Variants in GRM7 observed in about 807,000 individuals in gnomAD.
GRM7 encodes metabotropic glutamate receptor 7.
In GRM7, 35 loss-of-function variants were observed where a neutral mutation model predicts 84.5. That is an observed-to-expected ratio of 0.41 (90% CI 0.32 to 0.55). The LOEUF (loss-of-function observed/expected upper bound fraction) is 0.55, where lower values mean the gene tolerates loss of function less well. Among genes scored for constraint, GRM7 ranks in the 20% least tolerant of loss-of-function variants. The pLI, the probability that GRM7 is intolerant of heterozygous loss-of-function variation, is 0.19. For synonymous variants in GRM7, 487 were observed against 455.1 expected (o/e 1.07, Z -0.89); for missense variants, 1,003 against 1,194.6 (o/e 0.84, Z 2.36).
intron 1 of GRM7, among the ~76,000 whole-genome samples, chr3:7,089,218 A>G (rs941474380): frequency 6.6e-6 from 1 of 152,214 alleles, no homozygotes; most frequent in African/African-American, 2.4e-5. Context: ...CATAAAATCT[A>G]TAGAAGAGAA....
intron 9 of GRM7, among the ~76,000 whole-genome samples, chr3:7,712,647 GTTTGTTTGT>G (rs1701623329): frequency 1.3e-5 from 1 of 74,224 alleles, no homozygotes; most frequent in South Asian, 6.1e-4. Context: ...TCTTTTTTTT[GTTTGTTTGT>G]TTTGTTTTGT....
At chr3:6,902,849 C>G (rs1161985267) in intron 1 of GRM7, among the ~76,000 whole-genome samples, 1 of 78,906 alleles carries the variant, frequency 1.3e-5, no homozygotes, top group East Asian at 3.0e-4. Context: ...AAACAGACTC[C>G]TACACACACA....
rs1385502381 is a variant in GRM7, at chr3:6,861,314, GA to G, written c.-73del. 4 of 1,332,848 alleles carry G rather than the reference GA, an allele frequency of 3.0e-6. No homozygotes were observed. Among genetic ancestry groups the G allele is most frequent in the Non-Finnish European group, 3.9e-6 (4 of 1,024,856 alleles). 82.6% of individuals were successfully genotyped at this position (1,332,848 alleles called of 1,614,324 possible). Reference sequence around the variant, plus strand: ...GGGCTTTCCCGGAGGAGCTCGCCCTGAAGGGCCCGGACCTCGGCGAGCCCAC... The same window carrying G: ...GGGCTTTCCCGGAGGAGCTCGCCCTGAGGGCCCGGACCTCGGCGAGCCCAC... On this transcript the variant is annotated 5_prime_UTR_variant, in exon 1 of 10. Transcript: ENST00000357716. This position sits in a 1 kb window ranked among gnomAD's most constrained non-coding sequence, Gnocchi z 6.4.
At chr3:7,405,148 G>A (rs1695620588) in intron 4 of GRM7, among the ~76,000 whole-genome samples, 1 of 152,006 alleles carries the variant, frequency 6.6e-6, no homozygotes. Context: ...TAATTTAAAT[G>A]TTTCTATCTG....
intron 7 of GRM7, among the ~76,000 whole-genome samples, chr3:7,482,518 A>G (rs1699170261): frequency 6.6e-6 from 1 of 152,202 alleles, no homozygotes; most frequent in Non-Finnish European, 1.5e-5. Flanking sequence ...AAGGGAGACA[A>G]TGCCAGGAGG....
intron 1 of GRM7, among the ~76,000 whole-genome samples, chr3:6,895,370 A>G (rs1371888230): frequency 6.6e-6 from 1 of 152,174 alleles, no homozygotes; most frequent in Non-Finnish European, 1.5e-5. Flanking sequence ...CAGGGAACAA[A>G]CAATACGTTT....
chr3:7,415,695 T>A (rs1329662996), intron 5 of GRM7, among the ~76,000 whole-genome samples: 1 of 152,090 alleles, frequency 6.6e-6, no homozygotes, highest in African/African-American at 2.4e-5. Flanking sequence ...AGAAGAAAAA[T>A]CACACATTCA....
chr3:6,898,447 G>T (rs1179049734), intron 1 of GRM7, among the ~76,000 whole-genome samples: 1 of 149,862 alleles, frequency 6.7e-6, no homozygotes, highest in Non-Finnish European at 1.5e-5. Flanking sequence ...GGTAGAAACA[G>T]TGAATGTTCT....
chr3:7,136,477 G>T (rs891328793), intron 1 of GRM7, among the ~76,000 whole-genome samples: 1 of 151,834 alleles, frequency 6.6e-6, no homozygotes, highest in African/African-American at 2.4e-5. Context: ...TGACTTCCTT[G>T]GTCTCTTTAC....
chr3:7,182,355 T>A (rs1178680959), intron 2 of GRM7, among the ~76,000 whole-genome samples: 1 of 152,212 alleles, frequency 6.6e-6, no homozygotes, highest in Non-Finnish European at 1.5e-5. Context: ...CTATTTTGAA[T>A]AGTTTGCAAA....
intron 1 of GRM7, among the ~76,000 whole-genome samples, chr3:7,134,358 A>G (rs1481052935): frequency 6.6e-6 from 1 of 152,100 alleles, no homozygotes; most frequent in Non-Finnish European, 1.5e-5. Context: ...CCTGAGCCTA[A>G]TATTTTCAAA....
At chr3:7,527,476 A>T (rs571271843) in intron 7 of GRM7, among the ~76,000 whole-genome samples, 10 of 152,064 alleles carry the variant, frequency 6.6e-5, no homozygotes, top group African/African-American at 2.4e-4. Flanking sequence ...GGTGAAGAGA[A>T]ATGATTTGCT....
At chr3:7,636,104 T>G (rs1271162445) in intron 8 of GRM7, 2 of 346,610 alleles carry the variant, frequency 5.8e-6, no homozygotes. Flanking sequence ...AAAATAGGTT[T>G]ATGGTGAATT....
chr3:7,225,824 A>T (rs1270164407), intron 2 of GRM7, among the ~76,000 whole-genome samples: 1 of 152,036 alleles, frequency 6.6e-6, no homozygotes. Flanking sequence ...TTGAAATTCA[A>T]ATGCTAGTGT....
At chr3:7,385,569 G>A (rs1694756323) in intron 4 of GRM7, among the ~76,000 whole-genome samples, 1 of 151,922 alleles carries the variant, frequency 6.6e-6, no homozygotes, top group Admixed American at 6.6e-5. Flanking sequence ...GAAAGTGCTG[G>A]GATTACAGGT....
rs188204802 is a variant in GRM7, at chr3:7,684,281, G to A, written c.2698+3986G>A. On this transcript the variant is annotated intron_variant, in intron 9 of 9. Transcript: ENST00000357716. ...TGACTGGTTAAAAACAAACAAAAACGTAGCTCATGCACTTGAAAAAGGAAT... is the reference window on the plus strand; with the variant it reads ...TGACTGGTTAAAAACAAACAAAAACATAGCTCATGCACTTGAAAAAGGAAT... Among the ~76,000 whole-genome samples the A allele has an allele frequency of 2.0e-4, 30 of 152,232 alleles. 1 individual carries two copies. The Middle Eastern group carries it at 0.014, about 69-fold the overall frequency.
At chr3:6,976,602 G>A (rs1247596588) in intron 1 of GRM7, among the ~76,000 whole-genome samples, 3 of 151,474 alleles carry the variant, frequency 2.0e-5, no homozygotes, top group Non-Finnish European at 4.4e-5. Flanking sequence ...AGCATTTGTG[G>A]CTTTAGTCCC....
chr3:7,404,231 G>A (rs1376518414), intron 4 of GRM7, among the ~76,000 whole-genome samples: 1 of 152,144 alleles, frequency 6.6e-6, no homozygotes, highest in Non-Finnish European at 1.5e-5. Context: ...GTTGTGGATT[G>A]TTACAGCACT....
chr3:7,394,220 C>G (rs1575269853), intron 4 of GRM7, among the ~76,000 whole-genome samples: 2 of 152,168 alleles, frequency 1.3e-5, no homozygotes, highest in East Asian at 3.8e-4. Context: ...CTGTTTTGAA[C>G]CATTATTCAG....
Sources: gnomAD v4.1 joint callset for allele counts (sites outside exome capture counted in the v4.1 genomes callset) on GRCh38, gnomAD v4.1.1 for gene constraint, Gnocchi (gnomAD v3.1) non-coding constraint, MANE v1.5 for transcripts, NCBI Gene and HGNC (gene_info 2026-07-23, HGNC 2026-07-21) for gene names.